CACNA2D4: variants seen among roughly 807,000 people sequenced by gnomAD.
CACNA2D4 encodes the protein calcium voltage-gated channel auxiliary subunit alpha2delta 4, also known as voltage-dependent calcium channel subunit alpha-2/delta-4.
A neutral mutation model predicts 163.8 loss-of-function variants in CACNA2D4; 157 were observed. The observed-to-expected ratio is 0.96, with a 90% CI of 0.84 to 1.09. CACNA2D4 has a LOEUF of 1.09. Ranked by LOEUF, CACNA2D4 falls within the 50% of genes least tolerant of loss-of-function variation. The pLI is 0.00. For missense variants in CACNA2D4, 1,410 were observed against 1,479.9 expected (o/e 0.95, Z 0.78); for synonymous variants, 598 against 586.9 (o/e 1.02, Z -0.27).
intron 6 of CACNA2D4, among the ~76,000 whole-genome samples, chr12:1,898,969 T>C (rs1184923621): frequency 6.6e-6 from 1 of 152,108 alleles, no homozygotes; most frequent in African/African-American, 2.4e-5. Context: ...TATAAAGTTT[T>C]GCAAGATAAA....
intron 26 of CACNA2D4, among the ~76,000 whole-genome samples, chr12:1,838,212 C>T (rs954786063): frequency 1.1e-4 from 16 of 152,192 alleles, no homozygotes; most frequent in Admixed American, 3.3e-4. Flanking sequence ...TCTACTGGTC[C>T]GCTGCCCTCT....
At position 1,834,511 on chromosome 12, in the gene CACNA2D4, G is replaced by A. The variant is rs139863701; in HGVS notation, c.2551+6228C>T. On this transcript the variant is annotated intron_variant, in intron 26 of 37. Coordinates refer to ENST00000382722, the MANE Select transcript of CACNA2D4 (RefSeq NM_172364.5). This position sits in a 1 kb window ranked among gnomAD's most constrained non-coding sequence, Gnocchi z 7.6. ...GCCCACAGAAGCAGAGGCACCGGCC[G>A]GCGAGCGTGAGGCGAGCCATGGGCA... is the stretch of plus-strand genomic sequence containing the variant. 230 of 1,606,740 alleles carry A rather than the reference G, an allele frequency of 1.4e-4. No individual in the cohort carries two copies. In the African/African-American group the frequency reaches 2.1e-3, roughly 15 times the overall value.
chr12:1,893,760 C>A (rs553313340), intron 6 of CACNA2D4, among the ~76,000 whole-genome samples: 3 of 151,978 alleles, frequency 2.0e-5, no homozygotes, highest in African/African-American at 7.2e-5. Flanking sequence ...ACAGTAAAAG[C>A]AGTATAAAGA....
At chr12:1,912,039 G>A (rs1446572774) in intron 3 of CACNA2D4, among the ~76,000 whole-genome samples, 1 of 152,194 alleles carries the variant, frequency 6.6e-6, no homozygotes, top group Non-Finnish European at 1.5e-5. Context: ...GGGAAAGAAG[G>A]CCCCAGCAAC....
At chr12:1,800,688 T>C (rs1863286263) in intron 31 of CACNA2D4, 2 of 593,950 alleles carry the variant, frequency 3.4e-6, no homozygotes, top group Non-Finnish European at 6.0e-6. Flanking sequence ...GACATGCCCC[T>C]CCAGGAGACG....
chr12:1,836,417 C>T (rs878947191), intron 26 of CACNA2D4: 4 of 152,358 alleles, frequency 2.6e-5, no homozygotes, highest in African/African-American at 9.6e-5. Context: ...TCCTGTGCCC[C>T]ACTCCGACCC....
chr12:1,828,154 G>A lies in CACNA2D4; in HGVS notation c.2551+12585C>T. 1.3e-6 allele frequency: 2 copies of A among 1,542,816 alleles called. No individual in the cohort carries two copies. Among genetic ancestry groups the A allele is most frequent in the East Asian group, 4.9e-5 (2 of 40,482 alleles). On this transcript the variant is annotated intron_variant, in intron 26 of 37. Transcript: ENST00000382722. The surrounding 1 kb of genome is among the most constrained non-coding windows in gnomAD (Gnocchi z 4.2). ...GGAGAGCCGTGGGCCTCACCATGCTGGCGCCGGGCAGCAGCCCTGGGCAGA... is the reference window on the plus strand; with the variant it reads ...GGAGAGCCGTGGGCCTCACCATGCTAGCGCCGGGCAGCAGCCCTGGGCAGA...
rs530665343 is a variant in CACNA2D4 at position 1,879,959 on chromosome 12, G to A, written c.1486-78C>T. The A allele has an allele frequency of 1.5e-4, 133 of 908,944 alleles. No individual in the cohort carries two copies. The South Asian group carries it at 1.5e-3, about 10-fold the overall frequency. The allele number at this position is 908,944 out of a possible 1,614,324, so 56.3% of individuals were successfully genotyped here. On this transcript the variant is annotated intron_variant, in intron 13 of 37. Coordinates refer to ENST00000382722, the MANE Select transcript of CACNA2D4 (RefSeq NM_172364.5). ...TTGCCGCACTCGGAGCACCCAGTGC[G>A]GAGAACCCACAGTCACCACATCAAT...
At chr12:1,809,339 C>G in intron 29 of CACNA2D4, 1 of 590,246 alleles carries the variant, frequency 1.7e-6, no homozygotes. Context: ...GGCTTAGACA[C>G]TGTGTAGTCC....
chr12:1,809,632 T>C, intron 29 of CACNA2D4: 1 of 690,628 alleles, frequency 1.4e-6, no homozygotes. Flanking sequence ...ATTATTGTAC[T>C]TTCTCTTTTT....
intron 18 of CACNA2D4, among the ~76,000 whole-genome samples, chr12:1,862,029 C>T (rs1309207569): frequency 2.6e-5 from 4 of 152,162 alleles, no homozygotes; most frequent in South Asian, 4.1e-4. Flanking sequence ...TTTCAGCGTC[C>T]GTCTATATTG....
intron 23 of CACNA2D4, 91 bp from the exon 24 acceptor site, chr12:1,846,780 C>A (rs1565708234): frequency 9.8e-6 from 10 of 1,025,602 alleles, no homozygotes; most frequent in East Asian, 5.2e-5. Context: ...TCTCCTTGCT[C>A]CTGCCTGGCC....
In CACNA2D4 at chr12:1,917,088, C is replaced by T. The variant is rs1867004073; in HGVS notation, c.227+1159G>A. 6.6e-6 allele frequency among the ~76,000 whole-genome samples: 1 copy of T among 152,088 alleles called. No individual in the cohort carries two copies. Among genetic ancestry groups the T allele is most frequent in the South Asian group, 2.1e-4 (1 of 4,834 alleles). ...AACAGATAGCGTTACGGGCTGGCGGCGGGTGTAATGGTGAAAGTGCAGTCC... is the reference window on the plus strand; with the variant it reads ...AACAGATAGCGTTACGGGCTGGCGGTGGGTGTAATGGTGAAAGTGCAGTCC... On this transcript the variant is annotated intron_variant, in intron 1 of 37. Coordinates refer to ENST00000382722, the MANE Select transcript of CACNA2D4 (RefSeq NM_172364.5). The surrounding 1 kb of genome is among the most constrained non-coding windows in gnomAD (Gnocchi z 4.3).
At chr12:1,894,170 G>A (rs1463498650) in intron 6 of CACNA2D4, among the ~76,000 whole-genome samples, 9 of 152,000 alleles carry the variant, frequency 5.9e-5, no homozygotes, top group Admixed American at 5.9e-4. Context: ...ACACATACAA[G>A]CTACCAAGAT....
intron 1 of CACNA2D4, among the ~76,000 whole-genome samples, chr12:1,916,346 C>T (rs1168187384): frequency 1.3e-5 from 2 of 151,898 alleles, no homozygotes; most frequent in Non-Finnish European, 2.9e-5. Flanking sequence ...TTGTGTTTTA[C>T]CTTGAAAGAC....
At chr12:1,901,479 A>G (rs958612179) in intron 6 of CACNA2D4, among the ~76,000 whole-genome samples, 3 of 152,038 alleles carry the variant, frequency 2.0e-5, no homozygotes, top group Non-Finnish European at 4.4e-5. Flanking sequence ...GAAGACTTAA[A>G]TATATAAAAT....
At position 1,868,430 on chromosome 12, in the gene CACNA2D4, A is replaced by G. The variant is rs530904588; in HGVS notation, c.1878+6174T>C. Among the ~76,000 whole-genome samples, 8 of 152,062 alleles carry G rather than the reference A, an allele frequency of 5.3e-5. No individual in the cohort carries two copies. The East Asian group carries it at 1.5e-3, about 29-fold the overall frequency. On this transcript the variant is annotated intron_variant, in intron 18 of 37. Transcript: ENST00000382722. ...AAATGGAATACATAGAAACAGAGAAAAATGGTGGTTACTAGCAGCAGGGGA... is the reference window on the plus strand; with the variant it reads ...AAATGGAATACATAGAAACAGAGAAGAATGGTGGTTACTAGCAGCAGGGGA...
chr12:1,903,813 G>C (rs11503099), intron 6 of CACNA2D4, among the ~76,000 whole-genome samples: 9,204 of 152,004 alleles, frequency 0.061, 740 homozygotes, highest in East Asian at 0.42. Flanking sequence ...CAGTTTTGAG[G>C]TTCCTCAAAA....
At position 1,858,635 on chromosome 12, in the gene CACNA2D4, C is replaced by A; in HGVS notation, c.1950G>T (p.Val650=). 6.2e-7 allele frequency: 1 copy of A among 1,601,726 alleles called. No individual in the cohort carries two copies. Among genetic ancestry groups the A allele is most frequent in the Non-Finnish European group, 8.5e-7 (1 of 1,173,766 alleles). The change falls in exon 20 of 38, where the codon GTG becomes GTT. Residue 650 remains valine, a synonymous_variant. Coordinates refer to ENST00000382722, the MANE Select transcript of CACNA2D4 (RefSeq NM_172364.5). ...ATTCTCCGTGGCCCCGGGACAGCAC[C>A]ACCCCCAAACTGTGGGGAGAGAAGA... ...DISDTPFSLG[V]VLSRGHGEYI... is the part of the protein sequence containing the mutation.
Sources: allele counts gnomAD v4.1 joint callset (sites outside exome capture counted in the v4.1 genomes callset), GRCh38; gene constraint gnomAD v4.1.1; non-coding constraint Gnocchi (gnomAD v3.1); transcripts MANE v1.5; gene names NCBI Gene and HGNC (gene_info 2026-07-23, HGNC 2026-07-21).